The following MDFIC2 variants were observed in gnomAD, a reference collection of about 807,000 sequenced individuals.
MDFIC2 encodes the protein myoD family inhibitor domain-containing protein 2.
chr3:70,245,712 TATAC>T (rs1289496906), intron 2 of MDFIC2, among the ~76,000 whole-genome samples: 2 of 128,382 alleles, frequency 1.6e-5, no homozygotes, highest in East Asian at 2.3e-4. Flanking sequence ...TATATATATA[TATAC>T]ACATTCAAAT....
chr3:70,247,476 T>A (rs2106647555), intron 2 of MDFIC2, among the ~76,000 whole-genome samples: 1 of 151,870 alleles, frequency 6.6e-6, no homozygotes, highest in South Asian at 2.1e-4. Context: ...TAATATATAT[T>A]ATCTATTATA....
At chr3:70,299,467 A>G (rs1702325154) in intron 2 of MDFIC2, among the ~76,000 whole-genome samples, 1 of 152,124 alleles carries the variant, frequency 6.6e-6, no homozygotes, top group Non-Finnish European at 1.5e-5. Context: ...ACAAAAGCAC[A>G]TACCCCTAGA....
intron 2 of MDFIC2, among the ~76,000 whole-genome samples, chr3:70,302,132 C>A: frequency 6.6e-6 from 1 of 152,040 alleles, no homozygotes; most frequent in Non-Finnish European, 1.5e-5. Flanking sequence ...CTGTCATTGC[C>A]CTTGCTTTTC....
chr3:70,290,112 T>C (rs1454618476), intron 2 of MDFIC2, among the ~76,000 whole-genome samples: 1 of 152,240 alleles, frequency 6.6e-6, no homozygotes, highest in Non-Finnish European at 1.5e-5. Flanking sequence ...AGGAGCTGCG[T>C]TCCTTTGTAG....
chr3:70,308,657 G>T (rs1463287995), intron 2 of MDFIC2, among the ~76,000 whole-genome samples: 1 of 152,150 alleles, frequency 6.6e-6, no homozygotes, highest in South Asian at 2.1e-4. Context: ...GTCCTTGAGT[G>T]CAGGAGAGTA....
chr3:70,271,101 G>A (rs894438446), intron 2 of MDFIC2, among the ~76,000 whole-genome samples: 5 of 152,100 alleles, frequency 3.3e-5, no homozygotes, highest in South Asian at 2.1e-4. Context: ...ATCGAAGCTG[G>A]GAAGTTGTAT....
chr3:70,240,351 C>T (rs1420837605), intron 2 of MDFIC2, among the ~76,000 whole-genome samples: 52 of 150,710 alleles, frequency 3.5e-4, no homozygotes, highest in Non-Finnish European at 1.2e-4. Flanking sequence ...TTTTTTTAAT[C>T]TCTCCACTTG....
intron 2 of MDFIC2, among the ~76,000 whole-genome samples, chr3:70,224,314 A>T (rs1346891902): frequency 6.6e-6 from 1 of 152,206 alleles, no homozygotes; most frequent in African/African-American, 2.4e-5. Flanking sequence ...GATAAATCCA[A>T]TACATTTGGA....
At chr3:70,293,077 A>G (rs1047481960) in intron 2 of MDFIC2, among the ~76,000 whole-genome samples, 19 of 146,798 alleles carry the variant, frequency 1.3e-4, no homozygotes, top group African/African-American at 4.2e-4. Context: ...AAAAAGTAGC[A>G]TATTACATGA....
At chr3:70,263,059 C>T (rs982886934) in intron 2 of MDFIC2, among the ~76,000 whole-genome samples, 2 of 152,072 alleles carry the variant, frequency 1.3e-5, no homozygotes, top group Non-Finnish European at 2.9e-5. Context: ...TAATTCATCT[C>T]TCTCTTTATG....
chr3:70,307,150 C>G (rs1702409667), intron 2 of MDFIC2, among the ~76,000 whole-genome samples: 1 of 151,952 alleles, frequency 6.6e-6, no homozygotes, highest in Non-Finnish European at 1.5e-5. Context: ...TGAAATAGAC[C>G]CCAGAGCCTG....
At chr3:70,284,601 C>T (rs1211527503) in intron 2 of MDFIC2, among the ~76,000 whole-genome samples, 1 of 152,100 alleles carries the variant, frequency 6.6e-6, no homozygotes, top group African/African-American at 2.4e-5. Context: ...TTTGCAAGGA[C>T]TGAATGGAGC....
chr3:70,234,144 G>GTGGA (rs1701587178), intron 2 of MDFIC2, among the ~76,000 whole-genome samples: 1 of 152,208 alleles, frequency 6.6e-6, no homozygotes, highest in Non-Finnish European at 1.5e-5. Flanking sequence ...TGAGTGGGAT[G>GTGGA]TGGACAACTA....
chr3:70,279,153 CAAT>C (rs927903611), intron 2 of MDFIC2, among the ~76,000 whole-genome samples: 3 of 150,812 alleles, frequency 2.0e-5, no homozygotes, highest in African/African-American at 4.9e-5. Flanking sequence ...ATCATGACAA[CAAT>C]AAGTGCCATT....
chr3:70,218,127 A>T (rs532198589), intron 2 of MDFIC2, among the ~76,000 whole-genome samples: 1 of 152,296 alleles, frequency 6.6e-6, no homozygotes, highest in South Asian at 2.1e-4. Context: ...TATTTTCTTG[A>T]TAGTCCACTT....
At chr3:70,268,706 T>C (rs1701947087) in intron 2 of MDFIC2, among the ~76,000 whole-genome samples, 1 of 152,210 alleles carries the variant, frequency 6.6e-6, no homozygotes, top group Admixed American at 6.5e-5. Context: ...TTTAAGAGCT[T>C]CTTTTTAAAA....
At chr3:70,224,480 G>C (rs777822477) in intron 2 of MDFIC2, among the ~76,000 whole-genome samples, 55 of 152,258 alleles carry the variant, frequency 3.6e-4, no homozygotes, top group Admixed American at 1.8e-3. Context: ...TCATTCTCTT[G>C]TTGGCAGCAC....
At chr3:70,262,235 A>T (rs1701873976) in intron 2 of MDFIC2, among the ~76,000 whole-genome samples, 2 of 152,218 alleles carry the variant, frequency 1.3e-5, no homozygotes, top group African/African-American at 2.4e-5. Flanking sequence ...ATGAATAATT[A>T]TACCAATAAC....
At chr3:70,244,376 G>A (rs1701687100) in intron 2 of MDFIC2, among the ~76,000 whole-genome samples, 1 of 152,130 alleles carries the variant, frequency 6.6e-6, no homozygotes, top group South Asian at 2.1e-4. Context: ...ATATTTAATG[G>A]CAGTCTTATG....
Sources: gnomAD v4.1 joint callset for allele counts (sites outside exome capture counted in the v4.1 genomes callset) on GRCh38, gnomAD v4.1.1 for gene constraint, MANE v1.5 for transcripts, NCBI Gene and HGNC (gene_info 2026-07-23, HGNC 2026-07-21) for gene names.